Variants in RGS7 observed in about 807,000 individuals in gnomAD.
RGS7 encodes regulator of G protein signaling 7, also known as regulator of G-protein signaling 7.
In RGS7, 27 loss-of-function variants were observed where a neutral mutation model predicts 81.1. That is an observed-to-expected ratio of 0.33 (90% CI 0.25 to 0.46). RGS7 has a LOEUF of 0.46. RGS7 is among the 20% of genes least tolerant of loss of function. RGS7 has a pLI of 1.00. For missense variants in RGS7, 396 were observed against 607.4 expected (o/e 0.65, Z 3.66); for synonymous variants, 208 against 207.7 (o/e 1.00, Z -0.01).
chr1:240,942,961 A>C (rs951464142), intron 4 of RGS7, among the ~76,000 whole-genome samples: 1 of 152,208 alleles, frequency 6.6e-6, no homozygotes, highest in Non-Finnish European at 1.5e-5. Context: ...TTATTTTCTC[A>C]ACAGTAGGAG....
At chr1:241,055,817 T>C (rs2061450202) in intron 3 of RGS7, among the ~76,000 whole-genome samples, 1 of 152,192 alleles carries the variant, frequency 6.6e-6, no homozygotes, top group African/African-American at 2.4e-5. Context: ...GCCCCCATCC[T>C]GAGGCTACCC....
chr1:241,133,944 A>G (rs1202998483), intron 2 of RGS7, among the ~76,000 whole-genome samples: 2 of 152,070 alleles, frequency 1.3e-5, no homozygotes, highest in African/African-American at 2.4e-5. Context: ...GAGGGAGAGA[A>G]AGAGAGAGAG....
intron 3 of RGS7, among the ~76,000 whole-genome samples, chr1:240,996,030 T>A (rs978239900): frequency 2.6e-5 from 4 of 151,808 alleles, no homozygotes; most frequent in African/African-American, 9.7e-5. Flanking sequence ...TTTTTTTTTA[T>A]TTTCCAGAAG....
rs574327871 is a variant in RGS7, at chr1:241,237,112, T to A, written c.78+118587A>T. 1.9e-4 allele frequency among the ~76,000 whole-genome samples: 29 copies of A among 152,330 alleles called. No homozygotes were observed. In the South Asian group the frequency reaches 3.7e-3, roughly 20 times the overall value. On this transcript the variant is annotated intron_variant, in intron 2 of 18. Transcript: ENST00000440928. ...AGAAGGAAGAAAAGAAAATATTTTT[T>A]AAAATTAGCCAATAATCCATTTATA...
In RGS7 at chr1:241,110,629, A is replaced by T. The variant is rs1476426204; in HGVS notation, c.79-11867T>A. Among the ~76,000 whole-genome samples the T allele has an allele frequency of 2.5e-5, 3 of 120,242 alleles. No individual in the cohort carries two copies. The East Asian group carries it at 7.2e-4, about 29-fold the overall frequency. The allele number at this position is 120,242 out of a possible 152,430, so 78.9% of individuals were successfully genotyped here. A position where few individuals can be genotyped will look rare whatever the true frequency, so the allele number is the denominator to read the frequency against. ...TTGGCTGAGTTTGCCATTTTATTTTATTATTTCATTTTTATTTTATTTTAT... is the reference window on the plus strand; with the variant it reads ...TTGGCTGAGTTTGCCATTTTATTTTTTTATTTCATTTTTATTTTATTTTAT... On this transcript the variant is annotated intron_variant, in intron 2 of 18. Coordinates refer to ENST00000440928, the MANE Select transcript of RGS7 (RefSeq NM_001364886.1).
intron 2 of RGS7, among the ~76,000 whole-genome samples, chr1:241,177,813 A>G (rs73131661): frequency 0.026 from 3,988 of 152,344 alleles, 173 homozygotes; most frequent in African/African-American, 0.091. Flanking sequence ...GATAATTACT[A>G]GGTCTTAGTC....
At position 241,281,373 on chromosome 1, in the gene RGS7, C is replaced by T. The variant is rs182819921; in HGVS notation, c.78+74326G>A. Among the ~76,000 whole-genome samples, 271 of 152,340 alleles carry T rather than the reference C, an allele frequency of 1.8e-3. 2 individuals carry two copies. The highest frequency in any genetic ancestry group is 5.7e-3 in the African/African-American group (239 of 41,566). ...AAGTGTTGTGAGTATCCACTTAAAACGCTCTTTGTCCCCACACAGCCAGTT... is the reference window on the plus strand; with the variant it reads ...AAGTGTTGTGAGTATCCACTTAAAATGCTCTTTGTCCCCACACAGCCAGTT... On this transcript the variant is annotated intron_variant, in intron 2 of 18. Coordinates refer to ENST00000440928, the MANE Select transcript of RGS7 (RefSeq NM_001364886.1).
intron 3 of RGS7, among the ~76,000 whole-genome samples, chr1:241,090,132 G>T (rs1465225697): frequency 1.3e-5 from 2 of 151,384 alleles, no homozygotes; most frequent in Non-Finnish European, 2.9e-5. Flanking sequence ...AAATAGTAGT[G>T]TGGCTGCCCT....
chr1:240,900,444 G>C (rs1669801168), intron 6 of RGS7, among the ~76,000 whole-genome samples: 1 of 152,106 alleles, frequency 6.6e-6, no homozygotes, highest in Non-Finnish European at 1.5e-5. Context: ...TTTGGTCTTT[G>C]ATGATGGTGA....
At chr1:240,814,019 C>T (rs1052167999) in intron 12 of RGS7, among the ~76,000 whole-genome samples, 4 of 152,122 alleles carry the variant, frequency 2.6e-5, no homozygotes, top group African/African-American at 7.2e-5. Context: ...TGAAGGGCAC[C>T]GCTAAGAGTC....
At chr1:241,279,353 TAAAGA>T (rs1345724856) in intron 2 of RGS7, among the ~76,000 whole-genome samples, 1 of 152,110 alleles carries the variant, frequency 6.6e-6, no homozygotes, top group Non-Finnish European at 1.5e-5. Context: ...TGAGGGAAAG[TAAAGA>T]ACAAACGTAT....
At chr1:240,863,129 T>C (rs2147992719) in intron 9 of RGS7, among the ~76,000 whole-genome samples, 1 of 152,278 alleles carries the variant, frequency 6.6e-6, no homozygotes, top group East Asian at 1.9e-4. Flanking sequence ...TAATGTTTTG[T>C]AGAGATGGAA....
chr1:240,989,539 C>A (rs1364377677), intron 3 of RGS7, among the ~76,000 whole-genome samples: 1 of 151,998 alleles, frequency 6.6e-6, no homozygotes, highest in African/African-American at 2.4e-5. Flanking sequence ...ACTACCAATG[C>A]CAAAATCCTG....
chr1:241,316,051 C>T (rs1173835151), intron 2 of RGS7, among the ~76,000 whole-genome samples: 2 of 152,198 alleles, frequency 1.3e-5, no homozygotes, highest in East Asian at 1.9e-4. Context: ...GTTTCTCCTA[C>T]TCTACTTTCA....
At chr1:241,047,570 C>T (rs10926408) in intron 3 of RGS7, among the ~76,000 whole-genome samples, 51,612 of 151,876 alleles carry the variant, frequency 0.34, 9,521 homozygotes, top group African/African-American at 0.46. Flanking sequence ...TACAACATAA[C>T]ATACTTCAAC....
intron 2 of RGS7, among the ~76,000 whole-genome samples, chr1:241,112,242 T>A (rs1369014642): frequency 1.3e-5 from 2 of 152,154 alleles, no homozygotes; most frequent in Admixed American, 6.6e-5. Flanking sequence ...GTTACTTAAG[T>A]AATTTATTTT....
intron 2 of RGS7, among the ~76,000 whole-genome samples, chr1:241,329,666 A>C (rs191394344): frequency 0.012 from 1,860 of 152,326 alleles, 18 homozygotes; most frequent in Non-Finnish European, 0.018. Flanking sequence ...TAACCACTTA[A>C]GAAACAGGTT....
chr1:240,942,592 G>T (rs183385447), intron 4 of RGS7, among the ~76,000 whole-genome samples: 1 of 151,988 alleles, frequency 6.6e-6, no homozygotes, highest in Admixed American at 6.6e-5. Flanking sequence ...AGTGTGTGGG[G>T]AGAAATATTT....
intron 6 of RGS7, among the ~76,000 whole-genome samples, chr1:240,913,311 A>G (rs1234514041): frequency 6.6e-6 from 1 of 152,246 alleles, no homozygotes; most frequent in East Asian, 1.9e-4. Context: ...GCATACCTAC[A>G]TGTAAAAATC....
Sources: allele counts gnomAD v4.1 joint callset (sites outside exome capture counted in the v4.1 genomes callset), GRCh38; gene constraint gnomAD v4.1.1; transcripts MANE v1.5; gene names NCBI Gene and HGNC (gene_info 2026-07-23, HGNC 2026-07-21).